CETP: variants seen among roughly 807,000 people sequenced by gnomAD.
The protein encoded by CETP is BPI fold containing family F.
A neutral mutation model predicts 66.5 loss-of-function variants in CETP; 56 were observed. The observed-to-expected ratio is 0.84, with a 90% CI of 0.68 to 1.05. The LOEUF (loss-of-function observed/expected upper bound fraction) is 1.05, where lower values mean the gene tolerates loss of function less well. Ranked by LOEUF, CETP falls within the 50% of genes least tolerant of loss-of-function variation. The pLI is 0.00. For missense variants in CETP, 612 were observed against 609.6 expected (o/e 1.00, Z -0.04); for synonymous variants, 251 against 245.7 (o/e 1.02, Z -0.20).
chr16:56,962,476 A>G (rs1322512061), intron 1 of CETP: 1 of 460,176 alleles, frequency 2.2e-6, no homozygotes, highest in Non-Finnish European at 4.3e-6. Context: ...CTATGGCCAA[A>G]GTCAGGGGTT....
At chr16:56,966,528 C>T (rs1188376093) in intron 2 of CETP, among the ~76,000 whole-genome samples, 1 of 152,176 alleles carries the variant, frequency 6.6e-6, no homozygotes, top group Non-Finnish European at 1.5e-5. Context: ...CTGTGCTGTT[C>T]TCTTCCTCCA....
Position 56,981,196 on chromosome 16 carries a change from A to T in CETP, c.1185A>T (p.Lys395Asn). 6.2e-7 allele frequency: 1 copy of T among 1,613,934 alleles called. No individual in the cohort carries two copies. The highest frequency in any genetic ancestry group is 8.5e-7 in the Non-Finnish European group (1 of 1,179,786). Residue 395 changes from lysine (K) to asparagine (N), a missense_variant, in exon 12 of 16, where the codon AAA becomes AAT. Physicochemically the swap from Lys to Asn is moderately conservative, Grantham distance 94. Transcript: ENST00000200676. ...VTTVQASYSK[K>N]KLFLSLLDFQ... is the part of the protein sequence containing the mutation. ...CCGTCCAGGCCTCCTATTCTAAGAA[A>T]AAGCTCTTCTTAAGCCTCTTGGATT...
At position 56,978,252 on chromosome 16, in the gene CETP, A is replaced by G. The variant is rs144138296; in HGVS notation, c.1143A>G (p.Glu381=). The stretch of plus-strand genomic sequence containing the variant: ...AACATTCTGTAGCTTACACATTTGA[A>G]GAGGTGAGGCGGGTGCAGGGAGAGG... ...DQQHSVAYTF[E]EDIVTTVQAS... is the part of the protein sequence containing the mutation. Residue 381 remains glutamate (E), a synonymous_variant, in exon 11 of 16, where the codon GAA becomes GAG. Coordinates refer to ENST00000200676, the MANE Select transcript of CETP (RefSeq NM_000078.3). 789 of 1,614,038 alleles carry G rather than the reference A, an allele frequency of 4.9e-4. 1 individual carries two copies. The highest frequency in any genetic ancestry group is 6.2e-4 in the Non-Finnish European group (732 of 1,180,038).
intron 7 of CETP, among the ~76,000 whole-genome samples, 191 bp from the exon 8 acceptor site, chr16:56,971,801 C>A (rs1218292503): frequency 6.6e-6 from 1 of 152,176 alleles, no homozygotes; most frequent in African/African-American, 2.4e-5. Flanking sequence ...AGGGCTCTAC[C>A]TACCCAGACA....
At chr16:56,982,259 A>G (rs758845623) in intron 14 of CETP, 22 bp downstream of exon 14, 13 of 1,612,080 alleles carry the variant, frequency 8.1e-6, no homozygotes, top group Non-Finnish European at 1.1e-5. Context: ...CTGGAGGGGA[A>G]ACTGGGTGCC....
chr16:56,976,536 A>AC (rs2056151417), intron 10 of CETP, among the ~76,000 whole-genome samples: 1 of 151,510 alleles, frequency 6.6e-6, no homozygotes, highest in African/African-American at 2.4e-5. Flanking sequence ...CAGTAGCACA[A>AC]TCTCAACTCA....
Position 56,964,030 on chromosome 16 carries a change from ATTTATTTATTTAT to A in CETP, c.233+908_233+920del, listed in dbSNP as rs1325584896. Reference sequence around the variant, plus strand: ...TATTTATTTATTTATTTATTTATTTATTTATTTATTTATTGAGATGGAGTCTCTCACTGTCACC... The same window carrying A: ...TATTTATTTATTTATTTATTTATTTATGAGATGGAGTCTCTCACTGTCACC... On this transcript the variant is annotated intron_variant, in intron 2 of 15. Transcript: ENST00000200676. 1.8e-4 allele frequency among the ~76,000 whole-genome samples: 20 copies of A among 112,734 alleles called. No individual in the cohort carries two copies. In the East Asian group the frequency reaches 4.0e-3, roughly 22 times the overall value. 74.0% of individuals were successfully genotyped at this position (112,734 alleles called of 152,430 possible).
intron 14 of CETP, 144 bp from the exon 15 acceptor site, chr16:56,983,182 A>G: frequency 1.4e-6 from 1 of 720,646 alleles, no homozygotes; most frequent in Non-Finnish European, 2.5e-6. Context: ...GCACTTGCTC[A>G]CTCTGCTAAA....
chr16:56,970,061 C>T (rs1353606859), intron 5 of CETP, 60 bp downstream of exon 5: 14 of 1,513,142 alleles, frequency 9.3e-6, no homozygotes, highest in South Asian at 5.8e-5. Flanking sequence ...AGTGTGTCCA[C>T]GGCTCCTTCC....
At position 56,971,023 on chromosome 16, in the gene CETP, C is replaced by T; in HGVS notation, c.528-10C>T. The T allele has an allele frequency of 6.2e-7, 1 of 1,614,090 alleles. No homozygotes were observed. Among genetic ancestry groups the T allele is most frequent in the Non-Finnish European group, 8.5e-7 (1 of 1,179,980 alleles). ...GGTCAGGGGCTCATTGTGGTGCTTG[C>T]TGCCTTCAGGCCTGGGTGGATCAAG... On this transcript the variant is annotated splice_polypyrimidine_tract_variant and intron_variant, in intron 5 of 15. Coordinates refer to ENST00000200676, the MANE Select transcript of CETP (RefSeq NM_000078.3).
In CETP at chr16:56,972,112, C is replaced by T. The variant is rs1448579696; in HGVS notation, c.750+29C>T. ...GGAGTTGTGGGAGGGTGGGGCAGGG[C>T]CCAGCTTCCCCAGGGGAGTTGGTCC... On this transcript the variant is annotated intron_variant, in intron 8 of 15. Coordinates refer to ENST00000200676, the MANE Select transcript of CETP (RefSeq NM_000078.3). 1.9e-6 allele frequency: 3 copies of T among 1,553,646 alleles called. No homozygotes were observed. The African/African-American group carries it at 4.1e-5, about 21-fold the overall frequency.
intron 8 of CETP, among the ~76,000 whole-genome samples, chr16:56,973,022 C>T (rs1040009081): frequency 2.0e-5 from 3 of 151,990 alleles, no homozygotes; most frequent in Admixed American, 2.0e-4. Context: ...TCAGCTGGGG[C>T]GGGGTGGGAG....
At chr16:56,971,851 C>T (rs1211049660) in intron 7 of CETP, 141 bp from the exon 8 acceptor site, 1 of 754,252 alleles carries the variant, frequency 1.3e-6, no homozygotes, top group East Asian at 2.5e-5. Flanking sequence ...AGTGCCACAC[C>T]CCTCCCCGCA....
rs370185178 is a variant in CETP, at chr16:56,963,132, G to C, written c.233+8G>C. 1 of 1,610,892 alleles carries C rather than the reference G, an allele frequency of 6.2e-7. No homozygotes were observed. The highest frequency in any genetic ancestry group is 1.3e-5 in the African/African-American group (1 of 74,984). ...CAAGTATGGGTTGCACAAGTGAGTC[G>C]GGCCTCGGGTGTGACCAGGCTGGGG... is the stretch of plus-strand genomic sequence containing the variant. On this transcript the variant is annotated splice_region_variant and intron_variant, in intron 2 of 15. Transcript: ENST00000200676.
chr16:56,982,145 C>T lies in CETP; in HGVS notation c.1249-20C>T. 6.2e-7 allele frequency: 1 copy of T among 1,613,328 alleles called. No homozygotes were observed. The highest frequency in any genetic ancestry group is 1.1e-5 in the South Asian group (1 of 91,054). On this transcript the variant is annotated intron_variant, in intron 13 of 15. Coordinates refer to ENST00000200676, the MANE Select transcript of CETP (RefSeq NM_000078.3). ...CTTCTGTGCTCCAGGGAGGACTCAC[C>T]ATGGGCATTTGATTGGCAGAGCAGC...
chr16:56,978,430 AG>A (rs1410135419), intron 11 of CETP, among the ~76,000 whole-genome samples, 175 bp downstream of exon 11: 1 of 152,134 alleles, frequency 6.6e-6, no homozygotes, highest in Non-Finnish European at 1.5e-5. Flanking sequence ...GCAAGTAACG[AG>A]GGGGTACACA....
intron 13 of CETP, 148 bp from the exon 14 acceptor site, chr16:56,982,017 C>A: frequency 2.6e-6 from 2 of 781,212 alleles, no homozygotes; most frequent in Non-Finnish European, 2.2e-6. Flanking sequence ...AGGAAGGGCA[C>A]CGTCTGGGGC....
chr16:56,978,902 T>G (rs1321393851), intron 11 of CETP, among the ~76,000 whole-genome samples: 1 of 152,240 alleles, frequency 6.6e-6, no homozygotes, highest in African/African-American at 2.4e-5. Flanking sequence ...CTCGGCTCAC[T>G]ACAACCTCTG....
In CETP at chr16:56,970,003, T is replaced by C; in HGVS notation, c.527+2T>C. 6.2e-7 allele frequency: 1 copy of C among 1,612,788 alleles called. No individual in the cohort carries two copies. The highest frequency in any genetic ancestry group is 1.1e-5 in the South Asian group (1 of 90,934). On this transcript the variant is annotated splice_donor_variant, in intron 5 of 15. Transcript: ENST00000200676. LOFTEE classifies it high-confidence loss of function. Reference sequence around the variant, plus strand: ...CCTGCATCTCCAAGGGGAGCGAGAGTAAGTACACCACCCTGTGGCCCCCAT... The same window carrying C: ...CCTGCATCTCCAAGGGGAGCGAGAGCAAGTACACCACCCTGTGGCCCCCAT...
Sources: allele counts gnomAD v4.1 joint callset (sites outside exome capture counted in the v4.1 genomes callset), GRCh38; gene constraint gnomAD v4.1.1; transcripts MANE v1.5; gene names NCBI Gene and HGNC (gene_info 2026-07-23, HGNC 2026-07-21).